The following LRRC8D variants were observed in gnomAD, a reference collection of about 807,000 sequenced individuals.
LRRC8D encodes volume-regulated anion channel subunit LRRC8D.
In LRRC8D, 20 loss-of-function variants were observed where a neutral mutation model predicts 55.8. The observed-to-expected ratio is 0.36, with a 90% CI of 0.25 to 0.52. The LOEUF is 0.52. LRRC8D is among the 20% of genes least tolerant of loss of function. The pLI, the probability that LRRC8D is intolerant of heterozygous loss-of-function variation, is 0.93. For synonymous variants in LRRC8D, 352 were observed against 377.0 expected (o/e 0.93, Z 0.77); for missense variants, 651 against 1,030.8 (o/e 0.63, Z 5.05).
intron 2 of LRRC8D, among the ~76,000 whole-genome samples, chr1:89,882,869 T>G (rs1292786086): frequency 6.6e-6 from 1 of 152,096 alleles, no homozygotes; most frequent in Non-Finnish European, 1.5e-5. Flanking sequence ...AAATAGCCAC[T>G]TGTTAGGCCC....
intron 2 of LRRC8D, 99 bp downstream of exon 2, chr1:89,843,881 C>T (rs1396457794): frequency 1.9e-6 from 1 of 522,482 alleles, no homozygotes; most frequent in Middle Eastern, 5.2e-4. Context: ...TGTGCTGCAG[C>T]TTCACTTGCC....
intron 2 of LRRC8D, among the ~76,000 whole-genome samples, chr1:89,928,727 C>T (rs1465419542): frequency 6.6e-6 from 1 of 152,170 alleles, no homozygotes; most frequent in Non-Finnish European, 1.5e-5. Flanking sequence ...AGGTGGACAG[C>T]CTCTTCTATT....
In LRRC8D at chr1:89,870,186, T is replaced by C. The variant is rs185271342; in HGVS notation, c.-3+26404T>C. 4.4e-4 allele frequency among the ~76,000 whole-genome samples: 67 copies of C among 150,872 alleles called. No individual in the cohort carries two copies. The East Asian group carries it at 0.011, about 24-fold the overall frequency. ...CTGCCTTTTAGTTTTTCTAAAAAAC[T>C]GATAGAGATGCCAGGTGTGGTGGCT... On this transcript the variant is annotated intron_variant, in intron 2 of 2. Coordinates refer to ENST00000337338, the MANE Select transcript of LRRC8D (RefSeq NM_001134479.2).
intron 2 of LRRC8D, among the ~76,000 whole-genome samples, chr1:89,844,106 C>T (rs1004356918): frequency 7.9e-5 from 12 of 152,204 alleles, no homozygotes; most frequent in African/African-American, 2.9e-4. Context: ...TCTCCACCCT[C>T]TCCTCCAGCT....
At chr1:89,923,301 C>T (rs565021322) in intron 2 of LRRC8D, among the ~76,000 whole-genome samples, 34 of 152,190 alleles carry the variant, frequency 2.2e-4, no homozygotes, top group African/African-American at 6.5e-4. Context: ...AGAATATATG[C>T]GATTAATACT....
At chr1:89,840,257 G>A (rs903360318) in intron 1 of LRRC8D, among the ~76,000 whole-genome samples, 17 of 152,128 alleles carry the variant, frequency 1.1e-4, no homozygotes, top group African/African-American at 3.6e-4. Flanking sequence ...GCATAACAGC[G>A]GCTATGAGAA....
At position 89,908,594 on chromosome 1, in the gene LRRC8D, AGT is replaced by A. The variant is rs1411154485; in HGVS notation, c.-2-24471_-2-24470del. ...AAGAGACAACTTCATGAGAAATGAGAGTGAGGCCCTTCTAAGACCAGTTATGT... is the reference window on the plus strand; with the variant it reads ...AAGAGACAACTTCATGAGAAATGAGAGAGGCCCTTCTAAGACCAGTTATGT... On this transcript the variant is annotated intron_variant, in intron 2 of 2. Coordinates refer to ENST00000337338, the MANE Select transcript of LRRC8D (RefSeq NM_001134479.2). Among the ~76,000 whole-genome samples the A allele has an allele frequency of 2.6e-5, 4 of 152,334 alleles. 1 individual carries two copies. Among genetic ancestry groups the A allele is most frequent in the African/African-American group, 9.6e-5 (4 of 41,574 alleles).
At chr1:89,901,313 C>T (rs1220427008) in intron 2 of LRRC8D, among the ~76,000 whole-genome samples, 1 of 152,196 alleles carries the variant, frequency 6.6e-6, no homozygotes, top group African/African-American at 2.4e-5. Flanking sequence ...ATTTCAGGTC[C>T]ATCTCTGCCT....
At chr1:89,887,588 A>G (rs531517815) in intron 2 of LRRC8D, among the ~76,000 whole-genome samples, 1 of 152,232 alleles carries the variant, frequency 6.6e-6, no homozygotes, top group African/African-American at 2.4e-5. Flanking sequence ...TAACTAAACT[A>G]GTTATCTTTC....
rs370062279 is a variant in LRRC8D, at chr1:89,933,463, A to G, written c.395A>G (p.Lys132Arg). The change falls in exon 3 of 3, where the codon AAA becomes AGA. Residue 132 changes from lysine to arginine, a missense_variant. By Grantham distance (26) the Lys-to-Arg change is conservative. Around this residue, in one of 5 missense-constraint regions of LRRC8D, gnomAD observed 118 missense variants for 138.0 expected, o/e 0.85. Transcript: ENST00000337338. The surrounding 1 kb of genome is among the most constrained non-coding windows in gnomAD (Gnocchi z 7.0). ...LPNQEAKKEK[K>R]DPTGRKTNLD... Reference sequence around the variant, plus strand: ...AATCAGGAGGCAAAGAAAGAGAAGAAAGATCCAACAGGTCGAAAAACAAAC... The same window carrying G: ...AATCAGGAGGCAAAGAAAGAGAAGAGAGATCCAACAGGTCGAAAAACAAAC... 3 of 1,614,084 alleles carry G rather than the reference A, an allele frequency of 1.9e-6. No individual in the cohort carries two copies. The African/African-American group carries it at 4.0e-5, about 22-fold the overall frequency.
At chr1:89,857,530 TGAGAAA>T (rs1661590874) in intron 2 of LRRC8D, among the ~76,000 whole-genome samples, 2 of 152,232 alleles carry the variant, frequency 1.3e-5, no homozygotes, top group Admixed American at 1.3e-4. Flanking sequence ...TCCATTTTGG[TGAGAAA>T]GAAAGAGGTA....
intron 2 of LRRC8D, among the ~76,000 whole-genome samples, chr1:89,898,871 G>A (rs1262935851): frequency 6.6e-6 from 1 of 152,204 alleles, no homozygotes; most frequent in East Asian, 1.9e-4. Context: ...GGAATGTTGT[G>A]TTTCCATCTC....
intron 2 of LRRC8D, among the ~76,000 whole-genome samples, chr1:89,897,419 G>C (rs1447608121): frequency 2.0e-5 from 3 of 152,166 alleles, no homozygotes; most frequent in African/African-American, 7.2e-5. Context: ...AGAAAGGCGA[G>C]ATTATGTTTT....
intron 2 of LRRC8D, among the ~76,000 whole-genome samples, chr1:89,927,223 G>A (rs1274999393): frequency 6.6e-6 from 1 of 152,260 alleles, no homozygotes; most frequent in Non-Finnish European, 1.5e-5. Flanking sequence ...TTGGGACGGG[G>A]CGGAGGCGCA....
Position 89,933,646 on chromosome 1 carries a change from T to A in LRRC8D, c.578T>A (p.Val193Glu). The A allele has an allele frequency of 6.2e-7, 1 of 1,614,148 alleles. No homozygotes were observed. Among genetic ancestry groups the A allele is most frequent in the African/African-American group, 1.3e-5 (1 of 75,036 alleles). Residue 193 changes from valine to glutamate, a missense_variant, in exon 3 of 3, where the codon GTA becomes GAA. Physicochemically the swap from Val to Glu is moderately radical, Grantham distance 121. Transcript: ENST00000337338. The surrounding 1 kb of genome is among the most constrained non-coding windows in gnomAD (Gnocchi z 7.0). The stretch of plus-strand genomic sequence containing the variant: ...AAATATCCCAAAACATGCTCAAAAG[T>A]AGAACATTTTGTTTCAATATTAGGA... Reference protein sequence around the residue: ...WFKYPKTCSKVEHFVSILGKC... With the variant: ...WFKYPKTCSKEEHFVSILGKC...
chr1:89,876,901 A>G (rs1410184446), intron 2 of LRRC8D, among the ~76,000 whole-genome samples: 2 of 152,264 alleles, frequency 1.3e-5, no homozygotes, highest in Non-Finnish European at 2.9e-5. Flanking sequence ...CTGCTCTCCA[A>G]TTTGGTAGCC....
chr1:89,892,431 A>G (rs1662600811), intron 2 of LRRC8D, among the ~76,000 whole-genome samples: 1 of 152,152 alleles, frequency 6.6e-6, no homozygotes, highest in Non-Finnish European at 1.5e-5. Context: ...ATAAGGTAGG[A>G]CCAAGTTCCC....
rs868199041 is a variant in LRRC8D at position 89,858,310 on chromosome 1, G to T, written c.-3+14528G>T. On this transcript the variant is annotated intron_variant, in intron 2 of 2. Transcript: ENST00000337338. ...TATGAAATATCTCCTTTTGGGTGGGGTGGAGAGGGGATGTCAGGTAGTATC... is the reference window on the plus strand; with the variant it reads ...TATGAAATATCTCCTTTTGGGTGGGTTGGAGAGGGGATGTCAGGTAGTATC... Among the ~76,000 whole-genome samples, 3 of 152,310 alleles carry T rather than the reference G, an allele frequency of 2.0e-5. No individual in the cohort carries two copies. The Middle Eastern group carries it at 0.01, about 518-fold the overall frequency.
At chr1:89,836,233 T>G (rs1042380752) in intron 1 of LRRC8D, among the ~76,000 whole-genome samples, 1 of 152,224 alleles carries the variant, frequency 6.6e-6, no homozygotes. Flanking sequence ...CTAAATCAAC[T>G]GCTAACATTT....
Sources: allele counts gnomAD v4.1 joint callset (sites outside exome capture counted in the v4.1 genomes callset), GRCh38; gene constraint gnomAD v4.1.1; regional missense constraint gnomAD v4.1.1; non-coding constraint Gnocchi (gnomAD v3.1); transcripts MANE v1.5; gene names NCBI Gene and HGNC (gene_info 2026-07-23, HGNC 2026-07-21).